The following PTPN4 variants were observed in gnomAD, a reference collection of about 807,000 sequenced individuals.
The protein encoded by PTPN4 is protein tyrosine phosphatase non-receptor type 4, also known as tyrosine-protein phosphatase non-receptor type 4.
Under a neutral mutation model 135.5 loss-of-function variants are expected in PTPN4, and 49 were observed. The observed-to-expected ratio is 0.36, with a 90% CI of 0.29 to 0.46. The LOEUF is 0.46. Ranked by LOEUF, PTPN4 falls within the 20% of genes least tolerant of loss-of-function variation. The probability of loss-of-function intolerance (pLI) is 1.00; values close to 1 mark genes in which losing one functional copy is unlikely to be tolerated. For missense variants in PTPN4, 860 were observed against 1,101.0 expected (o/e 0.78, Z 3.10); for synonymous variants, 333 against 369.9 (o/e 0.90, Z 1.14).
intron 9 of PTPN4, among the ~76,000 whole-genome samples, chr2:119,895,593 C>T (rs1574392436): frequency 6.6e-6 from 1 of 151,100 alleles, no homozygotes; most frequent in Admixed American, 6.6e-5. Context: ...GAGTCGAGAT[C>T]GCGCCACTGG....
At chr2:119,958,625 T>C (rs1418089315) in intron 22 of PTPN4, among the ~76,000 whole-genome samples, 4 of 152,204 alleles carry the variant, frequency 2.6e-5, no homozygotes, top group Non-Finnish European at 5.9e-5. Flanking sequence ...AGAAAGTCTT[T>C]GTACATGCTA....
chr2:119,873,390 T>C (rs546202741), intron 3 of PTPN4, among the ~76,000 whole-genome samples: 36 of 152,298 alleles, frequency 2.4e-4, no homozygotes, highest in African/African-American at 7.2e-4. Context: ...AGTGGATTTC[T>C]TAGTAGAAAC....
rs1298207489 is a variant in PTPN4 at position 119,982,009 on chromosome 2, A to G, written c.*4939A>G. Reference sequence around the variant, plus strand: ...ATCCATCAGCATTGGTTCAGTGCATATACATAAGTAAACCAGTTTAAAAAA... The same window carrying G: ...ATCCATCAGCATTGGTTCAGTGCATGTACATAAGTAAACCAGTTTAAAAAA... On this transcript the variant is annotated 3_prime_UTR_variant, in exon 27 of 27. Transcript: ENST00000263708. The G allele has an allele frequency of 6.6e-6, 1 of 152,214 alleles. No homozygotes were observed. The highest frequency in any genetic ancestry group is 1.5e-5 in the Non-Finnish European group (1 of 68,010). 9.4% of individuals were successfully genotyped at this position (152,214 alleles called of 1,614,324 possible).
intron 26 of PTPN4, among the ~76,000 whole-genome samples, chr2:119,976,246 C>G (rs1445547171): frequency 6.6e-6 from 1 of 152,208 alleles, no homozygotes; most frequent in East Asian, 1.9e-4. Context: ...ATCCACCCAC[C>G]TTGGCCTCCC....
intron 1 of PTPN4, among the ~76,000 whole-genome samples, chr2:119,795,880 G>A (rs923060451): frequency 1.1e-4 from 17 of 152,326 alleles, no homozygotes; most frequent in South Asian, 4.1e-4. Flanking sequence ...CGGCCCCATC[G>A]CAATGGCTCA....
At position 119,978,622 on chromosome 2, in the gene PTPN4, C is replaced by G. The variant is rs1449821969; in HGVS notation, c.*1552C>G. ...ACAGAGAGATAGAACCTTAACATTG[C>G]CCAGTTTGATAAAAGTGAAAATTTG... On this transcript the variant is annotated 3_prime_UTR_variant, in exon 27 of 27. Transcript: ENST00000263708. 6.6e-6 allele frequency: 1 copy of G among 151,918 alleles called. No homozygotes were observed. Among genetic ancestry groups the G allele is most frequent in the African/African-American group, 2.4e-5 (1 of 41,360 alleles). The allele number at this position is 151,918 out of a possible 1,614,324, so 9.4% of individuals were successfully genotyped here. A position where few individuals can be genotyped will look rare whatever the true frequency, so the allele number is the denominator to read the frequency against.
In PTPN4 at chr2:119,957,065, G is replaced by A. The variant is rs369154156; in HGVS notation, c.2121G>A (p.Ala707=). The change falls in exon 22 of 27, where the codon GCG becomes GCA. Residue 707 remains alanine, a synonymous_variant. Transcript: ENST00000263708. ...AAGGTAATGAAGACTACATCAATGC[G>A]AACTATATAAATGTAAGTTTATTCT... The part of the protein sequence containing the change: ...ILKGNEDYIN[A]NYINMEIPSS... 55 of 1,608,458 alleles carry A rather than the reference G, an allele frequency of 3.4e-5. No individual in the cohort carries two copies. The highest frequency in any genetic ancestry group is 2.5e-4 in the East Asian group (11 of 44,712).
intron 3 of PTPN4, among the ~76,000 whole-genome samples, chr2:119,871,170 T>C (rs1677904099): frequency 6.7e-6 from 1 of 148,382 alleles, no homozygotes; most frequent in African/African-American, 2.5e-5. Flanking sequence ...ACTCTTTGCA[T>C]ACTAGATTAG....
chr2:119,826,963 G>C (rs1677155486), intron 2 of PTPN4, among the ~76,000 whole-genome samples: 1 of 152,122 alleles, frequency 6.6e-6, no homozygotes, highest in East Asian at 1.9e-4. Context: ...AGGAGTTCGA[G>C]GTTACAGTGA....
At chr2:119,826,730 T>G (rs897451770) in intron 2 of PTPN4, among the ~76,000 whole-genome samples, 1 of 152,152 alleles carries the variant, frequency 6.6e-6, no homozygotes, top group Non-Finnish European at 1.5e-5. Context: ...TGAGTAAATT[T>G]TTAAAATAAT....
chr2:119,934,038 A>G (rs1207558546), intron 14 of PTPN4, among the ~76,000 whole-genome samples: 1 of 152,236 alleles, frequency 6.6e-6, no homozygotes, highest in Non-Finnish European at 1.5e-5. Flanking sequence ...AAAGTACTCA[A>G]GTAACTAATT....
intron 1 of PTPN4, among the ~76,000 whole-genome samples, chr2:119,761,703 A>G (rs1690504893): frequency 1.3e-5 from 2 of 152,206 alleles, no homozygotes. Context: ...TAGTATCATA[A>G]TCTTCAGTGA....
chr2:119,928,478 ATACTT>A (rs1312364467), intron 13 of PTPN4, among the ~76,000 whole-genome samples: 1 of 152,160 alleles, frequency 6.6e-6, no homozygotes, highest in Non-Finnish European at 1.5e-5. Context: ...ATGAGATAAT[ATACTT>A]TATTTTCATT....
intron 25 of PTPN4, among the ~76,000 whole-genome samples, chr2:119,967,482 G>T (rs968694971): frequency 4.6e-5 from 7 of 151,798 alleles, no homozygotes; most frequent in African/African-American, 1.7e-4. Context: ...TTAAAATATT[G>T]TTGTCTTTTG....
chr2:119,779,079 G>C (rs1310543454), intron 1 of PTPN4, among the ~76,000 whole-genome samples: 1 of 152,150 alleles, frequency 6.6e-6, no homozygotes, highest in East Asian at 1.9e-4. Context: ...CAGGGTATCA[G>C]TTTTATAGTT....
chr2:119,835,851 C>T (rs1574360070), intron 2 of PTPN4, among the ~76,000 whole-genome samples: 2 of 151,980 alleles, frequency 1.3e-5, no homozygotes, highest in African/African-American at 4.8e-5. Flanking sequence ...GGGTGGATCA[C>T]GAGGTCAAGA....
intron 24 of PTPN4, 128 bp downstream of exon 24, chr2:119,962,872 C>A: frequency 1.4e-6 from 1 of 737,986 alleles, no homozygotes; most frequent in Non-Finnish European, 1.9e-6. Flanking sequence ...TATTTATCTG[C>A]TTTAATGGGG....
chr2:119,907,886 A>G (rs1350671684), intron 10 of PTPN4, among the ~76,000 whole-genome samples: 1 of 152,200 alleles, frequency 6.6e-6, no homozygotes, highest in African/African-American at 2.4e-5. Flanking sequence ...GGTACTGAGA[A>G]AACTGGGTAT....
chr2:119,850,945 T>A (rs1321380108), intron 2 of PTPN4, among the ~76,000 whole-genome samples: 1 of 152,202 alleles, frequency 6.6e-6, no homozygotes, highest in Non-Finnish European at 1.5e-5. Context: ...ACTATTAATA[T>A]TTTTTGAGGA....
Sources: gnomAD v4.1 joint callset for allele counts (sites outside exome capture counted in the v4.1 genomes callset) on GRCh38, gnomAD v4.1.1 for gene constraint, MANE v1.5 for transcripts, NCBI Gene and HGNC (gene_info 2026-07-23, HGNC 2026-07-21) for gene names.